The following CSMD1 variants were observed in gnomAD, a reference collection of about 807,000 sequenced individuals.
CSMD1 encodes CUB and Sushi multiple domains 1.
A neutral mutation model predicts 417.5 loss-of-function variants in CSMD1; 213 were observed. That is an observed-to-expected ratio of 0.51 (90% CI 0.46 to 0.57). The LOEUF (loss-of-function observed/expected upper bound fraction) is 0.57. Ranked by LOEUF, CSMD1 falls within the 20% of genes least tolerant of loss-of-function variation. CSMD1 has a pLI of 0.00. For synonymous variants in CSMD1, 2,862 were observed against 1,736.8 expected (o/e 1.65, Z -16.11); for missense variants, 6,923 against 4,529.7 (o/e 1.53, Z -15.17).
intron 33 of CSMD1, among the ~76,000 whole-genome samples, chr8:3,195,167 T>A (rs1273290672): frequency 6.6e-6 from 1 of 151,932 alleles, no homozygotes; most frequent in East Asian, 1.9e-4. Context: ...ATAAGACAAT[T>A]GAAAAAAGTA....
At position 3,788,785 on chromosome 8, in the gene CSMD1, C is replaced by A. The variant is rs925854078; in HGVS notation, c.819-34743G>T. Among the ~76,000 whole-genome samples, 26 of 152,140 alleles carry A rather than the reference C, an allele frequency of 1.7e-4. 1 individual carries two copies. Among genetic ancestry groups the A allele is most frequent in the African/African-American group, 6.0e-4 (25 of 41,432 alleles). ...TTCTGAATGTGTGCATAAGAGAGTG[C>A]AAAATCAATACACAGGACAGACGCA... On this transcript the variant is annotated intron_variant, in intron 5 of 69. Coordinates refer to ENST00000635120, the MANE Select transcript of CSMD1 (RefSeq NM_033225.6).
chr8:4,439,247 T>C (rs767166103), intron 2 of CSMD1, among the ~76,000 whole-genome samples: 2 of 152,168 alleles, frequency 1.3e-5, no homozygotes, highest in Non-Finnish European at 2.9e-5. Flanking sequence ...ATATTGCTTC[T>C]ATTAAACAAA....
chr8:3,312,173 C>T (rs1018078206), intron 23 of CSMD1, among the ~76,000 whole-genome samples: 1 of 152,130 alleles, frequency 6.6e-6, no homozygotes, highest in African/African-American at 2.4e-5. Context: ...GCATTTTGTA[C>T]AGAAATATGT....
intron 2 of CSMD1, among the ~76,000 whole-genome samples, chr8:4,624,285 G>C (rs1037674573): frequency 3.3e-5 from 5 of 152,110 alleles, no homozygotes; most frequent in African/African-American, 1.2e-4. Flanking sequence ...AGCTATAGTA[G>C]GGAAAGGGTT....
At chr8:4,376,189 T>C (rs1802722147) in intron 3 of CSMD1, among the ~76,000 whole-genome samples, 1 of 152,256 alleles carries the variant, frequency 6.6e-6, no homozygotes, top group Non-Finnish European at 1.5e-5. Context: ...CAAAAGAATT[T>C]ATTTTCTGCT....
intron 3 of CSMD1, among the ~76,000 whole-genome samples, chr8:4,151,011 G>T (rs549362440): frequency 6.6e-6 from 1 of 152,280 alleles, no homozygotes; most frequent in Non-Finnish European, 1.5e-5. Context: ...TGATGCAAGA[G>T]AAATTGTGTC....
At chr8:3,868,013 C>T (rs962170780) in intron 5 of CSMD1, among the ~76,000 whole-genome samples, 7 of 152,146 alleles carry the variant, frequency 4.6e-5, no homozygotes, top group Non-Finnish European at 7.4e-5. Flanking sequence ...CCTCATCCTT[C>T]CTTCTCCAAT....
At chr8:3,839,091 A>G (rs1289737949) in intron 5 of CSMD1, among the ~76,000 whole-genome samples, 2 of 110,942 alleles carry the variant, frequency 1.8e-5, no homozygotes, top group East Asian at 2.4e-4. Flanking sequence ...TATATATAAT[A>G]TAATATAGCC....
At position 2,974,732 on chromosome 8, in the gene CSMD1, AC is replaced by A. The variant is rs748734113; in HGVS notation, c.8567-109del. On this transcript the variant is annotated intron_variant, in intron 55 of 69. Coordinates refer to ENST00000635120, the MANE Select transcript of CSMD1 (RefSeq NM_033225.6). ...TACTGACATCATGTATTAAAGAAAA[AC>A]ACCTAAATATTCTGGTACTTATGTA... 71 of 654,322 alleles carry A rather than the reference AC, an allele frequency of 1.1e-4. No individual in the cohort carries two copies. The East Asian group carries it at 1.4e-3, about 13-fold the overall frequency. 40.5% of individuals were successfully genotyped at this position (654,322 alleles called of 1,614,324 possible).
chr8:4,200,195 T>G (rs1799567506), intron 3 of CSMD1, among the ~76,000 whole-genome samples: 1 of 152,210 alleles, frequency 6.6e-6, no homozygotes, highest in African/African-American at 2.4e-5. Flanking sequence ...CAAAATCCAG[T>G]TAAATGTTAT....
At chr8:4,941,310 T>A (rs1429438874) in intron 1 of CSMD1, among the ~76,000 whole-genome samples, 1 of 152,102 alleles carries the variant, frequency 6.6e-6, no homozygotes, top group African/African-American at 2.4e-5. Flanking sequence ...TATACTTTGT[T>A]TTTGTAAAGC....
At chr8:4,023,247 G>C (rs146596416) in intron 4 of CSMD1, among the ~76,000 whole-genome samples, 2 of 152,230 alleles carry the variant, frequency 1.3e-5, no homozygotes, top group African/African-American at 4.8e-5. Context: ...CCAAATCACC[G>C]CTGCGCATAA....
At chr8:4,779,778 C>A (rs559443804) in intron 1 of CSMD1, among the ~76,000 whole-genome samples, 1 of 152,266 alleles carries the variant, frequency 6.6e-6, no homozygotes, top group African/African-American at 2.4e-5. Context: ...GATGCCAGAG[C>A]CCTTTTGGCA....
At chr8:4,434,661 C>T (rs1463113487) in intron 2 of CSMD1, among the ~76,000 whole-genome samples, 2 of 152,090 alleles carry the variant, frequency 1.3e-5, no homozygotes, top group East Asian at 3.9e-4. Context: ...ATCACAAACC[C>T]GATTTACTTT....
At chr8:4,736,439 A>G (rs1208470402) in intron 1 of CSMD1, among the ~76,000 whole-genome samples, 1 of 152,158 alleles carries the variant, frequency 6.6e-6, no homozygotes, top group Non-Finnish European at 1.5e-5. Flanking sequence ...GCATGAACAG[A>G]GAGAAGCAGC....
At chr8:3,113,037 G>C (rs769485351) in intron 42 of CSMD1, 2 of 152,234 alleles carry the variant, frequency 1.3e-5, no homozygotes, top group Non-Finnish European at 2.9e-5. Flanking sequence ...GTCTCACTGA[G>C]CTCCGCAGAG....
At chr8:3,791,297 A>C (rs1196657130) in intron 5 of CSMD1, among the ~76,000 whole-genome samples, 2 of 152,210 alleles carry the variant, frequency 1.3e-5, no homozygotes, top group Middle Eastern at 3.2e-3. Context: ...AATGAACATA[A>C]ATTTAGGTAT....
chr8:2,977,524 C>A (rs1223580299), intron 55 of CSMD1, among the ~76,000 whole-genome samples: 2 of 152,132 alleles, frequency 1.3e-5, no homozygotes, highest in Non-Finnish European at 2.9e-5. Flanking sequence ...TGGGTTGATT[C>A]CATGTGTGGT....
intron 2 of CSMD1, among the ~76,000 whole-genome samples, chr8:4,584,414 G>A (rs937702549): frequency 2.0e-5 from 3 of 152,064 alleles, no homozygotes; most frequent in African/African-American, 2.4e-5. Flanking sequence ...GAATTCGGGG[G>A]CTAAATACCG....
Sources: allele counts gnomAD v4.1 joint callset (sites outside exome capture counted in the v4.1 genomes callset), GRCh38; gene constraint gnomAD v4.1.1; transcripts MANE v1.5; gene names NCBI Gene and HGNC (gene_info 2026-07-23, HGNC 2026-07-21).